The following TRERF1 variants were observed in gnomAD, a reference collection of about 807,000 sequenced individuals.
TRERF1 encodes the protein transcriptional regulating factor 1, also known as transcriptional-regulating factor 1.
Under a neutral mutation model 122.9 loss-of-function variants are expected in TRERF1, and 27 were observed. The ratio of observed to expected loss-of-function variants is 0.22; its 90% CI spans 0.16 to 0.30. The LOEUF (loss-of-function observed/expected upper bound fraction) is 0.30, where lower values mean the gene tolerates loss of function less well. Ranked by LOEUF, TRERF1 falls within the 10% of genes least tolerant of loss-of-function variation. The probability of loss-of-function intolerance (pLI) is 1.00; values close to 1 mark genes in which losing one functional copy is unlikely to be tolerated. For missense variants in TRERF1, 1,248 were observed against 1,560.3 expected, an observed-to-expected ratio of 0.80 and a Z score of 3.37; for synonymous variants, 636 against 641.7, an observed-to-expected ratio of 0.99 and a Z score of 0.13.
chr6:42,278,424 G>A (rs899650629), intron 4 of TRERF1, among the ~76,000 whole-genome samples: 15 of 152,144 alleles, frequency 9.9e-5, no homozygotes, highest in African/African-American at 2.9e-4. Flanking sequence ...ACTTCACATC[G>A]GTACTGATAA....
chr6:42,323,042 C>A (rs1464669630), intron 3 of TRERF1, among the ~76,000 whole-genome samples: 2 of 150,970 alleles, frequency 1.3e-5, no homozygotes, highest in Admixed American at 6.6e-5. Flanking sequence ...CATTATCCTG[C>A]CCTCTCCATT....
intron 3 of TRERF1, among the ~76,000 whole-genome samples, chr6:42,321,717 A>G (rs554247809): frequency 1.3e-4 from 20 of 152,368 alleles, no homozygotes; most frequent in African/African-American, 4.6e-4. Flanking sequence ...GTGGGAAGTC[A>G]GACCATATGT....
intron 2 of TRERF1, among the ~76,000 whole-genome samples, chr6:42,398,092 G>A (rs897548320): frequency 6.6e-6 from 1 of 152,234 alleles, no homozygotes; most frequent in Non-Finnish European, 1.5e-5. Flanking sequence ...AGTAGGATGG[G>A]AAGGGCAGGG....
chr6:42,269,507 G>C lies in TRERF1; in HGVS notation c.84C>G (p.Val28=). 6.2e-7 allele frequency: 1 copy of C among 1,614,240 alleles called. No homozygotes were observed. The highest frequency in any genetic ancestry group is 8.5e-7 in the Non-Finnish European group (1 of 1,180,040). Residue 28 remains valine (V), a synonymous_variant, in exon 5 of 18, where the codon GTC becomes GTG. Coordinates refer to ENST00000372922, the Ensembl canonical transcript of TRERF1. This position sits in a 1 kb window ranked among gnomAD's most constrained non-coding sequence, Gnocchi z 4.9. The stretch of plus-strand genomic sequence containing the variant: ...CATAGTTGTGGTTCAGCCCGCTGTG[G>C]ACGCCAAGTGGTGGCTGTTGGTAGA...
In TRERF1 at chr6:42,263,230, C is replaced by CCAGG; in HGVS notation, c.1884+86_1884+89dup. ...CAAGAAAGCAAAGGGATGTCCCCAC[C>CCAGG]CAGGCAGGTGGGGCAGAGCAGCAAC... On this transcript the variant is annotated intron_variant, in intron 8 of 17. Coordinates refer to ENST00000372922, the Ensembl canonical transcript of TRERF1. This position sits in a 1 kb window ranked among gnomAD's most constrained non-coding sequence, Gnocchi z 5.6. 6.7e-7 allele frequency: 1 copy of CCAGG among 1,488,224 alleles called. No individual in the cohort carries two copies. 92.2% of individuals were successfully genotyped at this position (1,488,224 alleles called of 1,614,324 possible).
chr6:42,422,648 C>T (rs963557039), intron 2 of TRERF1, among the ~76,000 whole-genome samples: 3 of 152,092 alleles, frequency 2.0e-5, no homozygotes, highest in Non-Finnish European at 2.9e-5. Flanking sequence ...TTCATTCTCT[C>T]AAGCAGTAAT....
chr6:42,263,194 C>T lies in TRERF1; in HGVS notation c.1884+126G>A, dbSNP rs927026763. On this transcript the variant is annotated intron_variant, in intron 8 of 17. Coordinates refer to ENST00000372922, the Ensembl canonical transcript of TRERF1. The surrounding 1 kb of genome is among the most constrained non-coding windows in gnomAD (Gnocchi z 5.6). ...CTCAGGTCAGTGACTCTGGAAGGGC[C>T]GCCCCATCTCCAAGAAAGCAAAGGG... 9.6e-6 allele frequency: 14 copies of T among 1,453,012 alleles called. No homozygotes were observed. The East Asian group carries it at 9.8e-5, about 10-fold the overall frequency. 90.0% of individuals were successfully genotyped at this position (1,453,012 alleles called of 1,614,324 possible).
intron 4 of TRERF1, among the ~76,000 whole-genome samples, chr6:42,287,574 T>C (rs1174657321): frequency 2.0e-5 from 3 of 151,988 alleles, no homozygotes; most frequent in African/African-American, 7.3e-5. Flanking sequence ...CCAAACAAAC[T>C]TTCACACGTC....
At chr6:42,352,363 T>G (rs1769631304) in intron 3 of TRERF1, among the ~76,000 whole-genome samples, 1 of 152,222 alleles carries the variant, frequency 6.6e-6, no homozygotes, top group Admixed American at 6.5e-5. Flanking sequence ...GAAAAACTAC[T>G]GAAAGGAAAA....
chr6:42,326,970 G>A (rs1188924855), intron 3 of TRERF1, among the ~76,000 whole-genome samples: 7 of 152,144 alleles, frequency 4.6e-5, no homozygotes. Flanking sequence ...CTACTGGCCA[G>A]GTGTAGAAGC....
intron 4 of TRERF1, among the ~76,000 whole-genome samples, chr6:42,270,073 C>G (rs1779937002): frequency 6.6e-6 from 1 of 152,300 alleles, no homozygotes; most frequent in Middle Eastern, 3.4e-3. Flanking sequence ...GTAGTCCCAG[C>G]TGCTCAGGAG....
In TRERF1 at chr6:42,232,717, T is replaced by G. The variant is rs1052486572; in HGVS notation, c.3242A>C (p.Asp1081Ala). 3 of 1,607,292 alleles carry G rather than the reference T, an allele frequency of 1.9e-6. No individual in the cohort carries two copies. Among genetic ancestry groups the G allele is most frequent in the South Asian group, 2.2e-5 (2 of 90,874 alleles). The change falls in exon 17 of 18, where the codon GAC becomes GCC. Residue 1081 changes from aspartate to alanine, a missense_variant. Coordinates refer to ENST00000372922, the Ensembl canonical transcript of TRERF1. This position sits in a 1 kb window ranked among gnomAD's most constrained non-coding sequence, Gnocchi z 4.5. ...CTTGCAGGGGAAGATGGTGGTGGGG[T>G]CTGTCTCGCCGCTGGTGGTGCTGTG...
intron 3 of TRERF1, among the ~76,000 whole-genome samples, chr6:42,313,556 C>A (rs1229045650): frequency 6.6e-6 from 1 of 152,136 alleles, no homozygotes; most frequent in Non-Finnish European, 1.5e-5. Flanking sequence ...TTCCCAGTAA[C>A]GCTTACCGGG....
intron 15 of TRERF1, among the ~76,000 whole-genome samples, chr6:42,239,851 A>T (rs1773234765): frequency 1.3e-5 from 2 of 151,796 alleles, no homozygotes; most frequent in Admixed American, 1.3e-4. Context: ...GCCTTTAATC[A>T]AGATTTTCTT....
intron 8 of TRERF1, among the ~76,000 whole-genome samples, chr6:42,262,244 G>GT (rs1443878126): frequency 1.3e-5 from 2 of 151,806 alleles, no homozygotes; most frequent in African/African-American, 2.4e-5. Context: ...CACCATAAAG[G>GT]TTTTTTTCTG....
chr6:42,344,132 C>T (rs978573154), intron 3 of TRERF1, among the ~76,000 whole-genome samples: 6 of 152,194 alleles, frequency 3.9e-5, no homozygotes, highest in Admixed American at 2.0e-4. Flanking sequence ...TCCCAAGGAC[C>T]GAACTGCTTG....
intron 3 of TRERF1, among the ~76,000 whole-genome samples, chr6:42,311,579 A>G (rs1277963001): frequency 6.6e-6 from 1 of 151,964 alleles, no homozygotes; most frequent in Non-Finnish European, 1.5e-5. Context: ...CCTGGCTAAC[A>G]TGATGAAACC....
intron 2 of TRERF1, among the ~76,000 whole-genome samples, chr6:42,443,097 T>C (rs570958952): frequency 6.6e-6 from 1 of 152,350 alleles, no homozygotes; most frequent in East Asian, 1.9e-4. Flanking sequence ...CGTTGATTTC[T>C]TCCTTCTCTC....
rs141855820 is a variant in TRERF1, at chr6:42,273,552, G to A, written c.-258-3704C>T. ...CAAATAGGGCTTACAGAGGTGGAGA[G>A]GACCAGGAAGGGTATTCCAGACAGG... On this transcript the variant is annotated intron_variant, in intron 4 of 17. Transcript: ENST00000372922. 4.6e-5 allele frequency among the ~76,000 whole-genome samples: 7 copies of A among 152,316 alleles called. No homozygotes were observed. The East Asian group carries it at 9.6e-4, about 21-fold the overall frequency.
Sources: allele counts gnomAD v4.1 joint callset (sites outside exome capture counted in the v4.1 genomes callset), GRCh38; gene constraint gnomAD v4.1.1; non-coding constraint Gnocchi (gnomAD v3.1); transcripts MANE v1.5; gene names NCBI Gene and HGNC (gene_info 2026-07-23, HGNC 2026-07-21).